CLK4: variants seen among roughly 807,000 people sequenced by gnomAD.
The protein encoded by CLK4 is CDC like kinase 4, also known as dual specificity protein kinase CLK4.
In CLK4, 37 loss-of-function variants were observed where a neutral mutation model predicts 64.4. The ratio of observed to expected loss-of-function variants is 0.57; its 90% CI spans 0.44 to 0.76. The LOEUF (loss-of-function observed/expected upper bound fraction) is 0.76. Ranked by LOEUF, CLK4 falls within the 30% of genes least tolerant of loss-of-function variation. CLK4 has a pLI of 0.00. For synonymous variants in CLK4, 175 were observed against 191.6 expected, an observed-to-expected ratio of 0.91 and a Z score of 0.72; for missense variants, 457 against 605.1, an observed-to-expected ratio of 0.76 and a Z score of 2.57.
At chr5:178,610,692 G>A (rs766218913) in intron 9 of CLK4, among the ~76,000 whole-genome samples, 3 of 151,996 alleles carry the variant, frequency 2.0e-5, no homozygotes, top group East Asian at 1.9e-4. Flanking sequence ...CAAGGCAGGC[G>A]GATCACTTGA....
Position 178,616,974 on chromosome 5 carries a change from G to A in CLK4, c.476-26C>T, listed in dbSNP as rs747227940. On this transcript the variant is annotated intron_variant, in intron 4 of 12. Coordinates refer to ENST00000316308, the MANE Select transcript of CLK4 (RefSeq NM_020666.3). ...CTAGAGTGAGGAGGGAAAAAGAGGT[G>A]TAAGTACCTGAGTACAAACTGTCTA... 2.6e-6 allele frequency: 4 copies of A among 1,509,592 alleles called. No homozygotes were observed. The South Asian group carries it at 3.4e-5, about 13-fold the overall frequency. 93.5% of individuals were successfully genotyped at this position (1,509,592 alleles called of 1,614,324 possible).
At chr5:178,605,592 G>T (rs1220023492) in intron 10 of CLK4, among the ~76,000 whole-genome samples, 1 of 152,164 alleles carries the variant, frequency 6.6e-6, no homozygotes, top group East Asian at 1.9e-4. Flanking sequence ...TAGTTCACTT[G>T]TTAACACTTA....
rs769700914 is a variant in CLK4, at chr5:178,617,314, G to A, written c.475+30C>T. On this transcript the variant is annotated intron_variant, in intron 4 of 12. Coordinates refer to ENST00000316308, the MANE Select transcript of CLK4 (RefSeq NM_020666.3). This position sits in a 1 kb window ranked among gnomAD's most constrained non-coding sequence, Gnocchi z 5.2. ...TTAAAAAGATTATTCTTTCTGCAAA[G>A]TTTAAAAAGTGTTGAAAAATATTCT... The A allele has an allele frequency of 2.6e-6, 4 of 1,537,576 alleles. No homozygotes were observed. In the South Asian group the frequency reaches 3.3e-5, roughly 13 times the overall value.
intron 5 of CLK4, among the ~76,000 whole-genome samples, chr5:178,616,631 A>G (rs934246702): frequency 5.9e-5 from 9 of 152,050 alleles, no homozygotes; most frequent in African/African-American, 2.2e-4. Flanking sequence ...CCCCATCTCT[A>G]TTAAAAATAC....
intron 2 of CLK4, 22 bp downstream of exon 2, chr5:178,623,233 TA>T: frequency 6.2e-7 from 1 of 1,603,468 alleles, no homozygotes; most frequent in Non-Finnish European, 8.5e-7. Context: ...GCTAAAATGC[TA>T]GTAGTTCAAG....
intron 9 of CLK4, among the ~76,000 whole-genome samples, chr5:178,610,794 G>A (rs6877022): frequency 0.19 from 29,093 of 151,620 alleles, 4,186 homozygotes; most frequent in African/African-American, 0.39. Context: ...ATCCTTGGCC[G>A]GGCGCGGTGG....
At chr5:178,626,442 G>T (rs888403317) in intron 1 of CLK4, among the ~76,000 whole-genome samples, 5 of 152,186 alleles carry the variant, frequency 3.3e-5, no homozygotes, top group African/African-American at 1.2e-4. Context: ...CGGACGCCCG[G>T]TCCCCACCTC....
intron 9 of CLK4, among the ~76,000 whole-genome samples, chr5:178,609,424 T>G (rs1323529903): frequency 6.6e-6 from 1 of 152,196 alleles, no homozygotes; most frequent in African/African-American, 2.4e-5. Context: ...GGCTCATGCC[T>G]GTAATCCCAG....
At chr5:178,604,027 C>T (rs1489331094) in intron 11 of CLK4, 93 bp from the exon 12 acceptor site, 1 of 892,996 alleles carries the variant, frequency 1.1e-6, no homozygotes, top group African/African-American at 1.7e-5. Context: ...AAGCAGCTCT[C>T]TCTAAGTGTA....
At chr5:178,622,457 C>T in intron 2 of CLK4, 1 of 985,716 alleles carries the variant, frequency 1.0e-6, no homozygotes, top group Non-Finnish European at 1.2e-6. Flanking sequence ...CCCAATGGAA[C>T]ATCTGCACAA....
chr5:178,626,667 C>G (rs1362333449), intron 1 of CLK4, among the ~76,000 whole-genome samples: 2 of 152,020 alleles, frequency 1.3e-5, no homozygotes, highest in Admixed American at 6.5e-5. Flanking sequence ...CAGGGTTAAC[C>G]AACAGCCGCG....
chr5:178,623,641 AT>A (rs61669840), intron 1 of CLK4, among the ~76,000 whole-genome samples: 230 of 144,532 alleles, frequency 1.6e-3, no homozygotes, highest in Middle Eastern at 7.0e-3. Context: ...ACCTTAAGAC[AT>A]TTTTTTTTTT....
Position 178,613,654 on chromosome 5 carries a change from A to G in CLK4, c.660-15T>C. On this transcript the variant is annotated splice_polypyrimidine_tract_variant and intron_variant, in intron 6 of 12. Coordinates refer to ENST00000316308, the MANE Select transcript of CLK4 (RefSeq NM_020666.3). ...GGACACATCGGCTAAAACAGAGCAA[A>G]ATAATAATTCAGTTTATGGAAACCT... 1 of 1,607,562 alleles carries G rather than the reference A, an allele frequency of 6.2e-7. No homozygotes were observed. Among genetic ancestry groups the G allele is most frequent in the East Asian group, 2.2e-5 (1 of 44,796 alleles).
In CLK4 at chr5:178,623,751, G is replaced by A. The variant is rs1333380059; in HGVS notation, c.1-335C>T. Among the ~76,000 whole-genome samples, 3 of 151,604 alleles carry A rather than the reference G, an allele frequency of 2.0e-5. No individual in the cohort carries two copies. The South Asian group carries it at 6.3e-4, about 32-fold the overall frequency. On this transcript the variant is annotated intron_variant, in intron 1 of 12. Coordinates refer to ENST00000316308, the MANE Select transcript of CLK4 (RefSeq NM_020666.3). ...TTAAAAATTAAAAAAAAGCCGGGGG[G>A]GGCAAATAAAAAGGTTCAGGCCTAG...
chr5:178,610,273 G>T (rs1562127638), intron 9 of CLK4, among the ~76,000 whole-genome samples: 1 of 151,710 alleles, frequency 6.6e-6, no homozygotes, highest in Non-Finnish European at 1.5e-5. Flanking sequence ...CCGGGTGACA[G>T]TGCAAGACTG....
intron 2 of CLK4, chr5:178,622,100 C>T (rs1764715402): frequency 6.6e-6 from 1 of 152,136 alleles, no homozygotes; most frequent in African/African-American, 2.4e-5. Flanking sequence ...CTGTTCATCA[C>T]TCATATCACT....
At chr5:178,612,944 T>C in intron 7 of CLK4, 54 bp from the exon 8 acceptor site, 1 of 910,184 alleles carries the variant, frequency 1.1e-6, no homozygotes, top group South Asian at 1.5e-5. Flanking sequence ...TAATTTGTAC[T>C]AGGAGGGAAA....
At chr5:178,605,189 A>G in intron 11 of CLK4, 114 bp downstream of exon 11, 1 of 560,610 alleles carries the variant, frequency 1.8e-6, no homozygotes, top group East Asian at 3.4e-5. Flanking sequence ...AAAAAAAAAA[A>G]AAAGTCAAAA....
chr5:178,607,701 AG>A (rs1488898746), intron 10 of CLK4, among the ~76,000 whole-genome samples: 2 of 151,580 alleles, frequency 1.3e-5, no homozygotes, highest in Non-Finnish European at 2.9e-5. Flanking sequence ...TAGTAGAGAC[AG>A]GGTTTCACCA....
Sources: allele counts gnomAD v4.1 joint callset (sites outside exome capture counted in the v4.1 genomes callset), GRCh38; gene constraint gnomAD v4.1.1; non-coding constraint Gnocchi (gnomAD v3.1); transcripts MANE v1.5; gene names NCBI Gene and HGNC (gene_info 2026-07-23, HGNC 2026-07-21).